SEPTIN7: variants seen among roughly 807,000 people sequenced by gnomAD.
SEPTIN7 encodes septin-7.
A neutral mutation model predicts 63.3 loss-of-function variants in SEPTIN7; 10 were observed. That is an observed-to-expected ratio of 0.16 (90% CI 0.10 to 0.27). The LOEUF is 0.27. Ranked by LOEUF, SEPTIN7 falls within the 10% of genes least tolerant of loss-of-function variation. SEPTIN7 has a pLI of 1.00. For missense variants in SEPTIN7, 310 were observed against 521.0 expected, an observed-to-expected ratio of 0.59 and a Z score of 3.94; for synonymous variants, 131 against 165.3, an observed-to-expected ratio of 0.79 and a Z score of 1.59.
At position 35,882,513 on chromosome 7, in the gene SEPTIN7, T is replaced by C. The variant is rs1159154456; in HGVS notation, c.660T>C (p.Ile220=). The change falls in exon 8 of 14, where the codon ATT becomes ATC. Residue 220 remains isoleucine, a synonymous_variant. Coordinates refer to ENST00000350320, the MANE Select transcript of SEPTIN7 (RefSeq NM_001788.6). ...TGAAAGAAATCCAAGAACATAAAAT[T>C]AAAATATACGAATTTCCAGAAACAG... The part of the protein sequence containing the change: ...QIMKEIQEHK[I]KIYEFPETDD... 4.1e-6 allele frequency: 6 copies of C among 1,477,614 alleles called. No homozygotes were observed. Among genetic ancestry groups the C allele is most frequent in the Non-Finnish European group, 5.4e-6 (6 of 1,103,802 alleles). 91.5% of individuals were successfully genotyped at this position (1,477,614 alleles called of 1,614,324 possible).
intron 4 of SEPTIN7, among the ~76,000 whole-genome samples, chr7:35,867,949 T>TGCA (rs1273224367): frequency 1.3e-5 from 2 of 152,002 alleles, no homozygotes; most frequent in African/African-American, 4.8e-5. Flanking sequence ...TCAAGCTTAC[T>TGCA]GCAACCTCTG....
chr7:35,871,106 G>A (rs1255571834), intron 4 of SEPTIN7, among the ~76,000 whole-genome samples: 2 of 152,110 alleles, frequency 1.3e-5, no homozygotes, highest in African/African-American at 4.8e-5. Flanking sequence ...TATTCAGATT[G>A]CCAATAGTAT....
intron 6 of SEPTIN7, among the ~76,000 whole-genome samples, chr7:35,874,954 C>G (rs941033058): frequency 6.6e-6 from 1 of 152,086 alleles, no homozygotes; most frequent in Non-Finnish European, 1.5e-5. Flanking sequence ...TTAAGTCATT[C>G]TCGTTTAACT....
Position 35,873,695 on chromosome 7 carries a change from A to G in SEPTIN7, c.432A>G (p.Ala144=), listed in dbSNP as rs1786298716. Residue 144 remains alanine, a synonymous_variant, in exon 6 of 14, where the codon GCA becomes GCG. Coordinates refer to ENST00000350320, the MANE Select transcript of SEPTIN7 (RefSeq NM_001788.6). ...GTAAATTTGAGGACTACCTAAATGC[A>G]GAATCACGAGTGAACAGACGTCAGA... ...IDSKFEDYLN[A]ESRVNRRQMP... 4 of 1,610,940 alleles carry G rather than the reference A, an allele frequency of 2.5e-6. No homozygotes were observed. The highest frequency in any genetic ancestry group is 2.7e-5 in the African/African-American group (2 of 74,962).
intron 8 of SEPTIN7, among the ~76,000 whole-genome samples, chr7:35,883,332 A>G (rs1263988291): frequency 1.3e-5 from 2 of 152,140 alleles, no homozygotes; most frequent in Non-Finnish European, 2.9e-5. Context: ...AAATTCTTAT[A>G]CATTGCCTGT....
intron 3 of SEPTIN7, among the ~76,000 whole-genome samples, chr7:35,846,449 G>A (rs566209569): frequency 6.6e-6 from 1 of 152,270 alleles, no homozygotes; most frequent in Admixed American, 6.5e-5. Flanking sequence ...GTTTCTATAG[G>A]TGTGTGAATG....
intron 1 of SEPTIN7, among the ~76,000 whole-genome samples, chr7:35,804,806 T>A (rs1788216882): frequency 6.6e-6 from 1 of 151,762 alleles, no homozygotes; most frequent in Non-Finnish European, 1.5e-5. Flanking sequence ...TAAACAATTA[T>A]GACAAATGGT....
intron 7 of SEPTIN7, among the ~76,000 whole-genome samples, chr7:35,880,218 C>CTTTTTTTTTTTTTTTTT (rs1396218271): frequency 2.2e-5 from 2 of 91,480 alleles, no homozygotes; most frequent in African/African-American, 4.4e-5. Context: ...CTTTTTTTTT[C>CTTTTTTTTTTTTTTTTT]TTTTCTTTTT....
At chr7:35,810,190 T>A (rs1788600902) in intron 1 of SEPTIN7, among the ~76,000 whole-genome samples, 1 of 152,180 alleles carries the variant, frequency 6.6e-6, no homozygotes, top group East Asian at 1.9e-4. Flanking sequence ...CATTTGTGCT[T>A]TGAATTTTTA....
intron 4 of SEPTIN7, among the ~76,000 whole-genome samples, chr7:35,867,791 A>G (rs1005657528): frequency 7.2e-5 from 11 of 151,908 alleles, no homozygotes; most frequent in Admixed American, 1.3e-4. Flanking sequence ...CTTTTGTGCA[A>G]TGACACTGTT....
chr7:35,814,932 G>C (rs1180779214), intron 1 of SEPTIN7, among the ~76,000 whole-genome samples: 1 of 124,102 alleles, frequency 8.1e-6, no homozygotes. Flanking sequence ...CCGAGATCTC[G>C]CCACTGCACT....
intron 1 of SEPTIN7, among the ~76,000 whole-genome samples, chr7:35,806,449 C>G (rs1788344936): frequency 1.3e-5 from 2 of 152,298 alleles, no homozygotes; most frequent in South Asian, 4.1e-4. Context: ...CTGGTTCCCA[C>G]TACAAGACCC....
chr7:35,837,330 T>C (rs955858936), intron 3 of SEPTIN7, among the ~76,000 whole-genome samples: 2 of 152,196 alleles, frequency 1.3e-5, no homozygotes, highest in East Asian at 1.9e-4. Flanking sequence ...TCTTGTGATA[T>C]CGTACGTTCT....
downstream of SEPTIN7, among the ~76,000 whole-genome samples, chr7:35,908,916 G>A (rs1583667237): frequency 6.6e-6 from 1 of 152,158 alleles, no homozygotes; most frequent in Non-Finnish European, 1.5e-5. Flanking sequence ...AATTTTTAAT[G>A]ATCTCTTTCA....
At chr7:35,856,095 C>G (rs1433261471) in intron 3 of SEPTIN7, among the ~76,000 whole-genome samples, 1 of 152,136 alleles carries the variant, frequency 6.6e-6, no homozygotes, top group African/African-American at 2.4e-5. Flanking sequence ...GTGTACCAGG[C>G]ACTGTGCTTA....
At chr7:35,880,372 C>CCT (rs1786803120) in intron 7 of SEPTIN7, among the ~76,000 whole-genome samples, 1 of 151,600 alleles carries the variant, frequency 6.6e-6, no homozygotes, top group Admixed American at 6.6e-5. Context: ...CAAATTTGTA[C>CCT]ATCTGTTTCA....
chr7:35,815,137 A>G (rs1788972090), intron 1 of SEPTIN7: 2 of 447,428 alleles, frequency 4.5e-6, no homozygotes, highest in South Asian at 3.2e-5. Flanking sequence ...TGTACCCATC[A>G]TTTTTAGGGG....
chr7:35,866,081 G>A (rs1436236955), intron 4 of SEPTIN7, among the ~76,000 whole-genome samples: 1 of 152,166 alleles, frequency 6.6e-6, no homozygotes, highest in African/African-American at 2.4e-5. Context: ...TTTACCAAAA[G>A]GAAGACCTGT....
chr7:35,833,826 C>T (rs573445736), intron 3 of SEPTIN7, among the ~76,000 whole-genome samples: 9 of 152,030 alleles, frequency 5.9e-5, no homozygotes, highest in African/African-American at 2.2e-4. Flanking sequence ...GTTAATTGAA[C>T]TAGCTGTGAA....
Sources: allele counts gnomAD v4.1 joint callset (sites outside exome capture counted in the v4.1 genomes callset), GRCh38; gene constraint gnomAD v4.1.1; transcripts MANE v1.5; gene names NCBI Gene and HGNC (gene_info 2026-07-23, HGNC 2026-07-21).